Variants in VIT observed in about 807,000 individuals in gnomAD.
VIT encodes the protein vitrin.
In VIT, 99 loss-of-function variants were observed where a neutral mutation model predicts 78.0. That is an observed-to-expected ratio of 1.27 (90% CI 1.08 to 1.50). The LOEUF (loss-of-function observed/expected upper bound fraction) is 1.50. Ranked by LOEUF, VIT falls within the 40% of genes most tolerant of loss-of-function variation. The probability of loss-of-function intolerance (pLI) is 0.00; values close to 1 mark genes in which losing one functional copy is unlikely to be tolerated. For synonymous variants in VIT, 374 were observed against 334.3 expected (o/e 1.12, Z -1.29); for missense variants, 1,126 against 875.3 (o/e 1.29, Z -3.61).
chr2:36,780,062 T>C (rs1664637319), intron 9 of VIT, among the ~76,000 whole-genome samples: 2 of 152,202 alleles, frequency 1.3e-5, no homozygotes, highest in South Asian at 2.1e-4. Flanking sequence ...TTCTCACAAA[T>C]TTACTTCTCA....
intron 9 of VIT, among the ~76,000 whole-genome samples, chr2:36,776,466 C>T (rs1278881476): frequency 3.9e-5 from 6 of 152,110 alleles, no homozygotes; most frequent in Admixed American, 3.9e-4. Flanking sequence ...AAAATTAACG[C>T]TTACATTAAA....
chr2:36,731,367 G>A (rs1289570497), intron 3 of VIT, among the ~76,000 whole-genome samples: 4 of 152,028 alleles, frequency 2.6e-5, no homozygotes, highest in Non-Finnish European at 4.4e-5. Context: ...TCCACCTCCC[G>A]GGTTCAAGTG....
chr2:36,781,269 T>C (rs570202480), intron 9 of VIT, among the ~76,000 whole-genome samples: 1 of 152,276 alleles, frequency 6.6e-6, no homozygotes, highest in South Asian at 2.1e-4. Context: ...GATGTATGGA[T>C]AGATGGGAAA....
chr2:36,697,826 A>G (rs533422616), intron 1 of VIT, among the ~76,000 whole-genome samples: 33 of 152,236 alleles, frequency 2.2e-4, no homozygotes, highest in Non-Finnish European at 4.1e-4. Context: ...AAAAACAAGC[A>G]TTCTTGGCCG....
At chr2:36,716,277 A>T in intron 1 of VIT, 76 bp from the exon 2 acceptor site, 1 of 1,238,732 alleles carries the variant, frequency 8.1e-7, no homozygotes, top group Admixed American at 1.8e-5. Context: ...GATGCAGTCT[A>T]TCCCCACACA....
At chr2:36,753,415 G>C (rs753742700) in intron 4 of VIT, among the ~76,000 whole-genome samples, 3 of 152,180 alleles carry the variant, frequency 2.0e-5, no homozygotes, top group Non-Finnish European at 2.9e-5. Flanking sequence ...GGTGTCCGCG[G>C]CACCTTCTCA....
At chr2:36,761,333 G>A (rs1013209657) in intron 6 of VIT, among the ~76,000 whole-genome samples, 1 of 151,972 alleles carries the variant, frequency 6.6e-6, no homozygotes, top group African/African-American at 2.4e-5. Context: ...CCTGTTTTTC[G>A]GGTCCTTTCC....
chr2:36,796,385 A>T lies in VIT; in HGVS notation c.1059-4916A>T, dbSNP rs529687484. Among the ~76,000 whole-genome samples, 3 of 152,346 alleles carry T rather than the reference A, an allele frequency of 2.0e-5. No homozygotes were observed. In the East Asian group the frequency reaches 5.8e-4, roughly 29 times the overall value. ...CACAGGAACCAAACCTTGTATTTCC[A>T]TTGGAAGGAATGGCTCAGTACTTGC... On this transcript the variant is annotated intron_variant, in intron 12 of 15. Transcript: ENST00000379242.
chr2:36,810,509 A>G lies in VIT; in HGVS notation c.1903+1524A>G, dbSNP rs542028896. ...AGCCTGGAGAAAACCCCAAGTGATA[A>G]TAATAATACTACTACTAATAAAAGT... is the stretch of plus-strand genomic sequence containing the variant. On this transcript the variant is annotated intron_variant, in intron 15 of 15. Coordinates refer to ENST00000379242, the MANE Select transcript of VIT (RefSeq NM_053276.4). 7.2e-5 allele frequency among the ~76,000 whole-genome samples: 11 copies of G among 152,354 alleles called. No homozygotes were observed. The South Asian group carries it at 1.9e-3, about 26-fold the overall frequency.
chr2:36,785,805 T>A (rs73927030), intron 11 of VIT, among the ~76,000 whole-genome samples: 159 of 152,364 alleles, frequency 1.0e-3, no homozygotes, highest in African/African-American at 3.7e-3. Context: ...CACTGCAAGA[T>A]AATAAAACAC....
chr2:36,740,435 A>G (rs1451607482), intron 3 of VIT, among the ~76,000 whole-genome samples: 1 of 152,208 alleles, frequency 6.6e-6, no homozygotes, highest in African/African-American at 2.4e-5. Flanking sequence ...CTGAACATAG[A>G]CATTACACTT....
chr2:36,741,649 G>T (rs910630424), intron 3 of VIT, among the ~76,000 whole-genome samples: 1 of 152,170 alleles, frequency 6.6e-6, no homozygotes, highest in Admixed American at 6.5e-5. Flanking sequence ...CCCAGTTAGA[G>T]GGTGGGTGGC....
rs551438077 is a variant in VIT, at chr2:36,808,730, G to A, written c.1648G>A (p.Gly550Arg). The change falls in exon 15 of 16, where the codon GGG becomes AGG. Residue 550 changes from glycine to arginine, a missense_variant. Gly to Arg is a moderately radical substitution (Grantham distance 125). Coordinates refer to ENST00000379242, the MANE Select transcript of VIT (RefSeq NM_053276.4). Reference protein sequence around the residue: ...FEISDTDTRIGAVQYTYEQRL... With the variant: ...FEISDTDTRIRAVQYTYEQRL... ...GATTTCCGACACGGACACGCGCATCGGGGCCGTGCAGTACACCTACGAACA... is the reference window on the plus strand; with the variant it reads ...GATTTCCGACACGGACACGCGCATCAGGGCCGTGCAGTACACCTACGAACA... 8.1e-6 allele frequency: 13 copies of A among 1,614,204 alleles called. No individual in the cohort carries two copies. The highest frequency in any genetic ancestry group is 4.4e-5 in the South Asian group (4 of 91,080).
intron 15 of VIT, among the ~76,000 whole-genome samples, chr2:36,813,909 A>G (rs1047759348): frequency 6.6e-6 from 1 of 152,232 alleles, no homozygotes; most frequent in South Asian, 2.1e-4. Flanking sequence ...GTTTCCTAAA[A>G]TACTATAAAC....
chr2:36,724,207 C>T (rs1034286041), intron 2 of VIT, among the ~76,000 whole-genome samples: 3 of 151,944 alleles, frequency 2.0e-5, no homozygotes, highest in Admixed American at 6.6e-5. Flanking sequence ...TTAGTAGAGA[C>T]GGGGTTTCAC....
chr2:36,798,244 G>A (rs1222063283), intron 12 of VIT, among the ~76,000 whole-genome samples: 1 of 152,186 alleles, frequency 6.6e-6, no homozygotes, highest in Non-Finnish European at 1.5e-5. Context: ...GGTTCCTCTA[G>A]CAGATGGCCA....
At chr2:36,708,445 AT>A (rs1049700495) in intron 1 of VIT, among the ~76,000 whole-genome samples, 1 of 152,144 alleles carries the variant, frequency 6.6e-6, no homozygotes, top group Non-Finnish European at 1.5e-5. Context: ...GCTAGGGCAG[AT>A]TTTTTTCCAA....
At chr2:36,784,928 A>G (rs1475856799) in intron 11 of VIT, among the ~76,000 whole-genome samples, 1 of 152,258 alleles carries the variant, frequency 6.6e-6, no homozygotes. Flanking sequence ...GGTATCAGCC[A>G]TCAGGCCAGT....
intron 1 of VIT, among the ~76,000 whole-genome samples, chr2:36,706,995 A>T (rs568066730): frequency 6.6e-6 from 1 of 152,048 alleles, no homozygotes; most frequent in East Asian, 1.9e-4. Flanking sequence ...TATAATGTCC[A>T]TTTCACCTCC....
Sources: gnomAD v4.1 joint callset for allele counts (sites outside exome capture counted in the v4.1 genomes callset) on GRCh38, gnomAD v4.1.1 for gene constraint, MANE v1.5 for transcripts, NCBI Gene and HGNC (gene_info 2026-07-23, HGNC 2026-07-21) for gene names.